Variants in CD7 observed in about 807,000 individuals in gnomAD.
CD7 encodes the protein T-cell antigen CD7.
CD7 carries 19 observed loss-of-function variants against 17.6 expected under a neutral mutation model. The ratio of observed to expected loss-of-function variants is 1.08; its 90% CI spans 0.75 to 1.58. The LOEUF is 1.58. CD7 is among the 40% of genes most tolerant of loss of function. The pLI is 0.00. For synonymous variants in CD7, 160 were observed against 159.8 expected (o/e 1.00, Z -0.01); for missense variants, 291 against 327.1 (o/e 0.89, Z 0.85).
chr17:82,316,998 C>G lies in CD7; in HGVS notation c.83-17G>C. The G allele has an allele frequency of 6.4e-7, 1 of 1,562,490 alleles. No homozygotes were observed. The highest frequency in any genetic ancestry group is 8.6e-7 in the Non-Finnish European group (1 of 1,157,512). ...GCTGCACCTCTGGGGAGGACCTGGG[C>G]TGTCACCATCAGTCTGGCCAGAAGG... On this transcript the variant is annotated splice_polypyrimidine_tract_variant and intron_variant, in intron 1 of 3. Coordinates refer to ENST00000312648, the MANE Select transcript of CD7 (RefSeq NM_006137.7).
Position 82,315,330 on chromosome 17 carries a change from C to T in CD7, c.714G>A (p.Gln238=). The stretch of plus-strand genomic sequence containing the variant: ...GCAGGGGCCCACTGGGTCACTGGTA[C>T]TGGTTGGGGGAGGACAGCGTGTTGC... ...SRCNTLSSPN[Q]YQ The change falls in exon 4 of 4, where the codon CAG becomes CAA. Residue 238 remains glutamine, a synonymous_variant. Coordinates refer to ENST00000312648, the MANE Select transcript of CD7 (RefSeq NM_006137.7). The T allele has an allele frequency of 6.2e-7, 1 of 1,611,838 alleles. No individual in the cohort carries two copies. The highest frequency in any genetic ancestry group is 8.5e-7 in the Non-Finnish European group (1 of 1,178,734).
intron 3 of CD7, chr17:82,315,961 G>T: frequency 1.6e-6 from 1 of 637,878 alleles, no homozygotes; most frequent in East Asian, 2.7e-5. Flanking sequence ...ACCTGCACAC[G>T]CGCACACGCG....
chr17:82,316,810 C>T lies in CD7; in HGVS notation c.254G>A (p.Arg85Gln), dbSNP rs776529392. Residue 85 changes from arginine (R) to glutamine (Q), a missense_variant, in exon 2 of 4, where the codon CGG (arginine) becomes CAG (glutamine). Arg to Gln is a conservative substitution (Grantham distance 43). Coordinates refer to ENST00000312648, the MANE Select transcript of CD7 (RefSeq NM_006137.7). ...GVVPTTDRRF[R>Q]GRIDFSGSQD... is the part of the protein sequence containing the mutation. The stretch of plus-strand genomic sequence containing the variant: ...GGACCCTGAGAAGTCGATGCGGCCC[C>T]GGAACCGTCTGTCCGTAGTGGGCAC... The T allele has an allele frequency of 2.7e-5, 44 of 1,613,852 alleles. No homozygotes were observed. Among genetic ancestry groups the T allele is most frequent in the Middle Eastern group, 1.6e-4 (1 of 6,084 alleles).
Position 82,315,317 on chromosome 17 carries a change from T to G in CD7, c.*4A>C, listed in dbSNP as rs1490163164. The G allele has an allele frequency of 6.2e-7, 1 of 1,601,728 alleles. No homozygotes were observed. The highest frequency in any genetic ancestry group is 1.1e-5 in the South Asian group (1 of 90,756). Reference sequence around the variant, plus strand: ...ACAGGCGGGACGTGCAGGGGCCCACTGGGTCACTGGTACTGGTTGGGGGAG... The same window carrying G: ...ACAGGCGGGACGTGCAGGGGCCCACGGGGTCACTGGTACTGGTTGGGGGAG... On this transcript the variant is annotated 3_prime_UTR_variant, in exon 4 of 4. Coordinates refer to ENST00000312648, the MANE Select transcript of CD7 (RefSeq NM_006137.7).
chr17:82,315,241 G>A lies in CD7; in HGVS notation c.*80C>T. On this transcript the variant is annotated 3_prime_UTR_variant, in exon 4 of 4. Transcript: ENST00000312648. ...GCCGTGGGAGGACAGCAGGGTGAGG[G>A]GTGTGGCAGGGTGGGGGGCATGGTG... 1.1e-6 allele frequency: 1 copy of A among 892,666 alleles called. No individual in the cohort carries two copies. The allele number at this position is 892,666 out of a possible 1,614,324, so 55.3% of individuals were successfully genotyped here.
chr17:82,316,498 T>A (rs1370652787), intron 2 of CD7, 89 bp from the exon 3 acceptor site: 1 of 1,313,308 alleles, frequency 7.6e-7, no homozygotes, highest in East Asian at 2.5e-5. Flanking sequence ...GGAAAGGCTG[T>A]GGAGGGGAGG....
Position 82,316,334 on chromosome 17 carries a change from C to T in CD7, c.473G>A (p.Gly158Asp). 6.3e-7 allele frequency: 1 copy of T among 1,583,714 alleles called. No individual in the cohort carries two copies. The highest frequency in any genetic ancestry group is 8.6e-7 in the Non-Finnish European group (1 of 1,164,350). The part of the protein sequence containing the change: ...RASALPAPPT[G>D]SALPDPQTAS... Reference sequence around the variant, plus strand: ...TGTCTGCGGGTCAGGGAGGGCGGAGCCTGTCGGTGGGGCAGGGAGGGCAGA... The same window carrying T: ...TGTCTGCGGGTCAGGGAGGGCGGAGTCTGTCGGTGGGGCAGGGAGGGCAGA... Residue 158 changes from glycine (G) to aspartate (D), a missense_variant, in exon 3 of 4, where the codon GGC becomes GAC. Transcript: ENST00000312648.
intron 3 of CD7, 51 bp downstream of exon 3, chr17:82,316,144 G>A: frequency 6.6e-7 from 1 of 1,524,550 alleles, no homozygotes; most frequent in Non-Finnish European, 8.9e-7. Flanking sequence ...GCTGCTCTCA[G>A]GAGAGGGAAC....
Position 82,317,399 on chromosome 17 carries a change from C to A in CD7, c.82+15G>T, listed in dbSNP as rs754752718. On this transcript the variant is annotated intron_variant, in intron 1 of 3. Transcript: ENST00000312648. Reference sequence around the variant, plus strand: ...CTCTGGAGCTGTGGCCATGGAGAGCCTGGGAAGCTCTTACCTTGGGCAGCC... The same window carrying A: ...CTCTGGAGCTGTGGCCATGGAGAGCATGGGAAGCTCTTACCTTGGGCAGCC... 1.3e-6 allele frequency: 2 copies of A among 1,549,172 alleles called. No homozygotes were observed. Among genetic ancestry groups the A allele is most frequent in the Non-Finnish European group, 1.7e-6 (2 of 1,147,910 alleles).
chr17:82,316,054 C>G (rs1358569542), intron 3 of CD7, 141 bp downstream of exon 3: 3 of 953,170 alleles, frequency 3.1e-6, no homozygotes, highest in Non-Finnish European at 4.9e-6. Flanking sequence ...GCCGAGGCCA[C>G]TTCCACCCTG....
rs138637115 is a variant in CD7, at chr17:82,316,237, G to A, written c.570C>T (p.Leu190=). 6.2e-3 allele frequency: 9,811 copies of A among 1,571,880 alleles called. 46 individuals carry two copies. The highest frequency in any genetic ancestry group is 9.7e-3 in the Middle Eastern group (58 of 5,986). Residue 190 remains leucine (L), a synonymous_variant, in exon 3 of 4, where the codon CTC becomes CTT. Transcript: ENST00000312648. ...CACACGCCACCCCCAGGCCCAGCCCGAGGAGGAAGGAGATCACCGCCAGGG... is the reference window on the plus strand; with the variant it reads ...CACACGCCACCCCCAGGCCCAGCCCAAGGAGGAAGGAGATCACCGCCAGGG... ...PAALAVISFL[L]GLGLGVACVL... is the part of the protein sequence containing the mutation.
intron 3 of CD7, chr17:82,315,978 C>A (rs898066360): frequency 3.0e-6 from 2 of 657,994 alleles, no homozygotes; most frequent in Admixed American, 2.7e-5. Flanking sequence ...CGCGCACACG[C>A]GGGCCCAGCG....
chr17:82,316,087 AGGC>A (rs2052010870), intron 3 of CD7, 105 bp downstream of exon 3: 2 of 1,156,116 alleles, frequency 1.7e-6, no homozygotes, highest in Non-Finnish European at 2.5e-6. Context: ...CCTGCAGAGG[AGGC>A]GGCGGGTACC....
At chr17:82,315,873 C>T (rs962327070) in intron 3 of CD7, 2 of 599,380 alleles carry the variant, frequency 3.3e-6, no homozygotes, top group Non-Finnish European at 5.9e-6. Context: ...GCGGGCCCAG[C>T]GCCTGGGCGC....
chr17:82,317,507 C>T lies in CD7; in HGVS notation c.-12G>A, dbSNP rs1455815612. 6.4e-7 allele frequency: 1 copy of T among 1,553,952 alleles called. No homozygotes were observed. The highest frequency in any genetic ancestry group is 8.7e-7 in the Non-Finnish European group (1 of 1,149,636). ...GGAGGCCCGGCCATGTTCCCCACACCCAGCTCTCCCAGCCGGGCGAGTGCA... is the reference window on the plus strand; with the variant it reads ...GGAGGCCCGGCCATGTTCCCCACACTCAGCTCTCCCAGCCGGGCGAGTGCA... On this transcript the variant is annotated 5_prime_UTR_variant, in exon 1 of 4. Coordinates refer to ENST00000312648, the MANE Select transcript of CD7 (RefSeq NM_006137.7).
In CD7 at chr17:82,316,648, G is replaced by A; in HGVS notation, c.397+19C>T. 2 of 1,605,222 alleles carry A rather than the reference G, an allele frequency of 1.2e-6. No homozygotes were observed. The highest frequency in any genetic ancestry group is 1.7e-6 in the Non-Finnish European group (2 of 1,179,020). On this transcript the variant is annotated intron_variant, in intron 2 of 3. Coordinates refer to ENST00000312648, the MANE Select transcript of CD7 (RefSeq NM_006137.7). ...CAGCTGGGGTTGGGAGGGGGGTCTG[G>A]GATGGGCACATTCCCTACCTGTCAC...
chr17:82,315,963 G>GCACACGCA (rs2052009044), intron 3 of CD7: 7 of 643,030 alleles, frequency 1.1e-5, no homozygotes, highest in Admixed American at 2.8e-5. Flanking sequence ...CTGCACACGC[G>GCACACGCA]CACACGCGCA....
At chr17:82,317,352 T>C in intron 1 of CD7, 62 bp downstream of exon 1, 8 of 1,467,028 alleles carry the variant, frequency 5.5e-6, no homozygotes, top group Non-Finnish European at 7.4e-6. Flanking sequence ...CTGGGGGCTC[T>C]GAGCTCATGG....
Position 82,316,976 on chromosome 17 carries a change from G to A in CD7, c.88C>T (p.Gln30Ter). Residue 30 changes from glutamine (Q) to a stop codon, truncating the protein, a stop_gained, in exon 2 of 4, where the codon CAG (glutamine) becomes TAG (stop). Transcript: ENST00000312648. LOFTEE classifies it high-confidence loss of function. ...ACAGTCGTGCAGTGGGGAGACTGCT[G>A]CACCTCTGGGGAGGACCTGGGCTGT... ...LPGALAAQEV[Q>*]QSPHCTTVPV... 1 of 1,586,716 alleles carries A rather than the reference G, an allele frequency of 6.3e-7. No homozygotes were observed.
Sources: gnomAD v4.1 joint callset for allele counts on GRCh38, gnomAD v4.1.1 for gene constraint, MANE v1.5 for transcripts, NCBI Gene and HGNC (gene_info 2026-07-23, HGNC 2026-07-21) for gene names.